Variants in ASTN1 observed in about 807,000 individuals in gnomAD.
The protein encoded by ASTN1 is astrotactin 1, also known as astrotactin-1.
Under a neutral mutation model 140.7 loss-of-function variants are expected in ASTN1, and 41 were observed. That is an observed-to-expected ratio of 0.29 (90% CI 0.23 to 0.38). The LOEUF is 0.38. Ranked by LOEUF, ASTN1 falls within the 10% of genes least tolerant of loss-of-function variation. ASTN1 has a pLI of 1.00. For missense variants in ASTN1, 1,479 were observed against 1,678.8 expected, an observed-to-expected ratio of 0.88 and a Z score of 2.08; for synonymous variants, 640 against 652.2, an observed-to-expected ratio of 0.98 and a Z score of 0.29.
chr1:176,891,757 C>T (rs985128305), intron 17 of ASTN1, among the ~76,000 whole-genome samples: 1 of 152,098 alleles, frequency 6.6e-6, no homozygotes, highest in Admixed American at 6.5e-5. Flanking sequence ...CATGCCATTG[C>T]ACTCCAGCCT....
At chr1:176,996,305 A>T (rs954683076) in intron 8 of ASTN1, among the ~76,000 whole-genome samples, 1 of 147,996 alleles carries the variant, frequency 6.8e-6, no homozygotes, top group African/African-American at 2.5e-5. Context: ...ACACACACAC[A>T]CACACAGAGA....
At chr1:177,121,220 C>T (rs1037301810) in intron 1 of ASTN1, among the ~76,000 whole-genome samples, 6 of 152,012 alleles carry the variant, frequency 3.9e-5, no homozygotes, top group East Asian at 3.9e-4. Context: ...AAGGGAGTGC[C>T]GAGTGCTTTA....
At position 176,864,008 on chromosome 1, in the gene ASTN1, G is replaced by T; in HGVS notation, c.*276C>A. On this transcript the variant is annotated 3_prime_UTR_variant, in exon 23 of 23. Transcript: ENST00000361833. ...ACTTCTCAGGGAAAAAAAAATGAAT[G>T]GAACAAATTAATGGCAAAGCAAACC... 8.3e-7 allele frequency: 1 copy of T among 1,199,928 alleles called. No individual in the cohort carries two copies. Among genetic ancestry groups the T allele is most frequent in the Non-Finnish European group, 1.0e-6 (1 of 962,366 alleles). The allele number at this position is 1,199,928 out of a possible 1,614,324, so 74.3% of individuals were successfully genotyped here.
At chr1:177,138,540 T>G (rs1208974632) in intron 1 of ASTN1, among the ~76,000 whole-genome samples, 4 of 152,146 alleles carry the variant, frequency 2.6e-5, no homozygotes, top group Non-Finnish European at 5.9e-5. Flanking sequence ...TTTAGAACAC[T>G]TGGTCATTTT....
chr1:177,025,100 T>C (rs1015578584), intron 5 of ASTN1, among the ~76,000 whole-genome samples: 2 of 152,200 alleles, frequency 1.3e-5, no homozygotes, highest in East Asian at 3.9e-4. Context: ...TCCCACACTA[T>C]ACCTCCCATC....
intron 14 of ASTN1, among the ~76,000 whole-genome samples, chr1:176,942,824 ATATATATATATG>A (rs1417181308): frequency 0.13 from 2,050 of 15,394 alleles, 198 homozygotes; most frequent in African/African-American, 0.32. Flanking sequence ...GTGTGTGTAT[ATATATATATATG>A]TATATATATA....
intron 16 of ASTN1, among the ~76,000 whole-genome samples, chr1:176,928,231 T>C (rs1475131756): frequency 6.6e-6 from 1 of 152,176 alleles, no homozygotes; most frequent in Non-Finnish European, 1.5e-5. Flanking sequence ...TCTGGATGGA[T>C]AGACAATAAA....
intron 16 of ASTN1, among the ~76,000 whole-genome samples, chr1:176,897,385 A>C (rs1027179369): frequency 2.1e-4 from 32 of 151,962 alleles, no homozygotes; most frequent in Admixed American, 2.0e-3. Context: ...AAATTTCGCC[A>C]TGCAAGTCTT....
chr1:176,896,584 T>C (rs1044172206), intron 16 of ASTN1, among the ~76,000 whole-genome samples: 1 of 152,006 alleles, frequency 6.6e-6, no homozygotes, highest in Non-Finnish European at 1.5e-5. Context: ...TGGGGTGAGG[T>C]CTTTGATCCT....
intron 1 of ASTN1, among the ~76,000 whole-genome samples, chr1:177,075,412 G>T (rs1356359506): frequency 4.7e-5 from 4 of 84,226 alleles, no homozygotes; most frequent in East Asian, 3.3e-4. Context: ...CTTTTAAAAG[G>T]TTTCATTCAT....
At chr1:177,010,972 G>A (rs746358561) in intron 8 of ASTN1, among the ~76,000 whole-genome samples, 3 of 152,092 alleles carry the variant, frequency 2.0e-5, no homozygotes, top group African/African-American at 7.2e-5. Context: ...CACCTGGAAC[G>A]TCTCCCTCCC....
chr1:177,044,043 C>T (rs372631095), intron 2 of ASTN1, among the ~76,000 whole-genome samples: 8 of 152,210 alleles, frequency 5.3e-5, no homozygotes, highest in Admixed American at 3.3e-4. Flanking sequence ...CTCATTAGGA[C>T]GGGCTTCGTT....
intron 8 of ASTN1, among the ~76,000 whole-genome samples, chr1:176,985,249 C>A (rs1187619459): frequency 1.3e-5 from 2 of 152,030 alleles, no homozygotes; most frequent in Non-Finnish European, 2.9e-5. Flanking sequence ...TGAGGAAGAC[C>A]CAGAGTTTCT....
intron 1 of ASTN1, among the ~76,000 whole-genome samples, chr1:177,145,120 T>C (rs1301826052): frequency 2.0e-5 from 3 of 152,190 alleles, no homozygotes; most frequent in African/African-American, 4.8e-5. Context: ...CAGATTCCTT[T>C]AACCTGCAAC....
In ASTN1 at chr1:176,884,456, T is replaced by C; in HGVS notation, c.3109A>G (p.Thr1037Ala). The C allele has an allele frequency of 6.2e-7, 1 of 1,613,484 alleles. No homozygotes were observed. The highest frequency in any genetic ancestry group is 8.5e-7 in the Non-Finnish European group (1 of 1,179,756). Residue 1037 changes from threonine to alanine, a missense_variant, in exon 19 of 23, where the codon ACT becomes GCT. Thr to Ala is a moderately conservative substitution (Grantham distance 58, BLOSUM62 0). Around this residue, in one of 3 missense-constraint regions of ASTN1, gnomAD observed 746 missense variants for 800.9 expected, o/e 0.93. Coordinates refer to ENST00000361833, the MANE Select transcript of ASTN1 (RefSeq NM_004319.3). ...RLSTVHEPSS[T>A]LVVLEWEHSE... ...TGTTCCCACTCCAGGACCACAAGAG[T>C]GCTGCTGGGCTCGTGAACCGTGGAG...
chr1:177,032,662 G>T lies in ASTN1; in HGVS notation c.659C>A (p.Ala220Asp). ...ACTGGAGTTGTGGCCCTGCACGCGG[G>T]CATTGCGCAGGCTCTCCCGTCCGTG... ...GGHGRESLRNARVQGHNSSGT... is the reference protein window; with the variant it reads ...GGHGRESLRNDRVQGHNSSGT... Residue 220 changes from alanine (A) to aspartate (D), a missense_variant, in exon 3 of 23, where the codon GCC becomes GAC. Coordinates refer to ENST00000361833, the MANE Select transcript of ASTN1 (RefSeq NM_004319.3). 3 of 1,614,192 alleles carry T rather than the reference G, an allele frequency of 1.9e-6. No individual in the cohort carries two copies. The highest frequency in any genetic ancestry group is 1.7e-5 in the Admixed American group (1 of 60,030).
rs1259715590 is a variant in ASTN1, at chr1:176,863,819, C to T, written c.*465G>A. The T allele has an allele frequency of 3.0e-6, 3 of 994,240 alleles. No individual in the cohort carries two copies. Among genetic ancestry groups the T allele is most frequent in the Middle Eastern group, 5.1e-4 (1 of 1,950 alleles). 61.6% of individuals were successfully genotyped at this position (994,240 alleles called of 1,614,324 possible). ...GGGCCAAGGCTCCCAGAGTGAGACGCTTCCTGAGGAATGCTTGAGGGTGGG... is the reference window on the plus strand; with the variant it reads ...GGGCCAAGGCTCCCAGAGTGAGACGTTTCCTGAGGAATGCTTGAGGGTGGG... On this transcript the variant is annotated 3_prime_UTR_variant, in exon 23 of 23. Transcript: ENST00000361833.
intron 1 of ASTN1, among the ~76,000 whole-genome samples, chr1:177,094,418 C>A (rs949805897): frequency 6.6e-6 from 1 of 152,216 alleles, no homozygotes; most frequent in African/African-American, 2.4e-5. Flanking sequence ...AATTGCTCAT[C>A]TTCCTCCAGT....
At chr1:176,872,286 T>A (rs974714174) in intron 21 of ASTN1, among the ~76,000 whole-genome samples, 2 of 152,122 alleles carry the variant, frequency 1.3e-5, no homozygotes, top group Non-Finnish European at 2.9e-5. Context: ...GAGTGCTTAC[T>A]ATGTGCCTGA....
Sources: allele counts gnomAD v4.1 joint callset (sites outside exome capture counted in the v4.1 genomes callset), GRCh38; gene constraint gnomAD v4.1.1; regional missense constraint gnomAD v4.1.1; transcripts MANE v1.5; gene names NCBI Gene and HGNC (gene_info 2026-07-23, HGNC 2026-07-21).